EML4: variants seen among roughly 807,000 people sequenced by gnomAD.
EML4 encodes the protein echinoderm microtubule-associated protein-like 4.
EML4 carries 72 observed loss-of-function variants against 129.0 expected under a neutral mutation model. That is an observed-to-expected ratio of 0.56 (90% CI 0.46 to 0.68). The LOEUF is 0.68. EML4 is among the 30% of genes least tolerant of loss of function. The pLI is 0.00. For missense variants in EML4, 1,363 were observed against 1,190.6 expected (o/e 1.14, Z -2.13); for synonymous variants, 532 against 405.0 (o/e 1.31, Z -3.77).
At chr2:42,317,333 A>G in intron 18 of EML4, 94 bp from the exon 19 acceptor site, 2 of 806,326 alleles carry the variant, frequency 2.5e-6, no homozygotes, top group South Asian at 1.7e-5. Context: ...AGTTAAATTG[A>G]TGAGATTTAA....
At chr2:42,191,881 C>T (rs1671605135) in intron 1 of EML4, among the ~76,000 whole-genome samples, 1 of 152,104 alleles carries the variant, frequency 6.6e-6, no homozygotes, top group South Asian at 2.1e-4. Context: ...CGGTGGCTCA[C>T]ACCTGTAATC....
At chr2:42,266,870 A>T (rs764901442) in intron 6 of EML4, among the ~76,000 whole-genome samples, 3 of 152,190 alleles carry the variant, frequency 2.0e-5, no homozygotes, top group East Asian at 1.9e-4. Flanking sequence ...ATGAAATATA[A>T]ATTGAAATAT....
chr2:42,233,540 CT>C (rs1223719729), intron 1 of EML4, among the ~76,000 whole-genome samples: 1 of 151,928 alleles, frequency 6.6e-6, no homozygotes, highest in African/African-American at 2.4e-5. Context: ...ATCTCCTGAC[CT>C]CATGATCCGC....
Position 42,330,286 on chromosome 2 carries a change from G to C in EML4, c.*79G>C, listed in dbSNP as rs751198830. Reference sequence around the variant, plus strand: ...AAGTTCAGGTAACAGGATGGGCAGTGATGGAGAATCACTGTTGATTGAGAT... The same window carrying C: ...AAGTTCAGGTAACAGGATGGGCAGTCATGGAGAATCACTGTTGATTGAGAT... On this transcript the variant is annotated 3_prime_UTR_variant, in exon 23 of 23. Coordinates refer to ENST00000318522, the MANE Select transcript of EML4 (RefSeq NM_019063.5). 22 of 1,277,496 alleles carry C rather than the reference G, an allele frequency of 1.7e-5. No individual in the cohort carries two copies. The highest frequency in any genetic ancestry group is 1.4e-5 in the Non-Finnish European group (12 of 886,544). The allele number at this position is 1,277,496 out of a possible 1,614,324, so 79.1% of individuals were successfully genotyped here.
intron 1 of EML4, among the ~76,000 whole-genome samples, chr2:42,202,855 C>A (rs758649120): frequency 6.6e-6 from 1 of 152,062 alleles, no homozygotes; most frequent in Non-Finnish European, 1.5e-5. Context: ...TAGCAAGACC[C>A]CATCTCTACA....
chr2:42,240,082 G>A (rs371782522), intron 1 of EML4, among the ~76,000 whole-genome samples: 1 of 152,150 alleles, frequency 6.6e-6, no homozygotes, highest in South Asian at 2.1e-4. Flanking sequence ...GAGAGGGGTT[G>A]TTGGACTTCA....
At position 42,317,456 on chromosome 2, in the gene EML4, GACA is replaced by G; in HGVS notation, c.2089_2091del (p.Asn697del). On this transcript the variant is annotated inframe_deletion, in exon 19 of 23. Coordinates refer to ENST00000318522, the MANE Select transcript of EML4 (RefSeq NM_019063.5). ...TACCTTCCTGGCTGTAGGATCTCAT[GACA>G]ACTTTATTTACCTCTATGTAGTCTC... The G allele has an allele frequency of 6.2e-7, 1 of 1,612,590 alleles. No homozygotes were observed. Among genetic ancestry groups the G allele is most frequent in the Non-Finnish European group, 8.5e-7 (1 of 1,179,146 alleles).
At position 42,326,268 on chromosome 2, in the gene EML4, CT is replaced by C; in HGVS notation, c.2341+17del. Reference sequence around the variant, plus strand: ...CAAGTATTTGGTAAGGAAATGACACCTGATGTAAAGAAGTGGTTTGTGGGTT... The same window carrying C: ...CAAGTATTTGGTAAGGAAATGACACCGATGTAAAGAAGTGGTTTGTGGGTT... On this transcript the variant is annotated intron_variant, in intron 21 of 22. Coordinates refer to ENST00000318522, the MANE Select transcript of EML4 (RefSeq NM_019063.5). The C allele has an allele frequency of 6.4e-7, 1 of 1,564,786 alleles. No homozygotes were observed. The highest frequency in any genetic ancestry group is 8.8e-7 in the Non-Finnish European group (1 of 1,141,418).
At chr2:42,284,017 T>TA (rs1227353853) in intron 8 of EML4, among the ~76,000 whole-genome samples, 2 of 152,248 alleles carry the variant, frequency 1.3e-5, no homozygotes, top group African/African-American at 4.8e-5. Context: ...TAGTCACTCA[T>TA]ATACGTGCTG....
At chr2:42,180,794 T>G (rs1026472120) in intron 1 of EML4, among the ~76,000 whole-genome samples, 3 of 152,244 alleles carry the variant, frequency 2.0e-5, no homozygotes, top group Non-Finnish European at 4.4e-5. Context: ...CAATAATGTC[T>G]TTTATAGCAA....
At chr2:42,244,949 C>T (rs1384749579) in intron 1 of EML4, among the ~76,000 whole-genome samples, 2 of 151,796 alleles carry the variant, frequency 1.3e-5, no homozygotes, top group African/African-American at 4.8e-5. Flanking sequence ...GGAAATTTGA[C>T]CGTGGGGACA....
At chr2:42,210,837 A>G (rs966537755) in intron 1 of EML4, among the ~76,000 whole-genome samples, 2 of 152,218 alleles carry the variant, frequency 1.3e-5, no homozygotes, top group East Asian at 1.9e-4. Flanking sequence ...TTCTGGCACT[A>G]TAGAATAATT....
At chr2:42,178,802 C>G (rs943879528) in intron 1 of EML4, among the ~76,000 whole-genome samples, 28 of 152,262 alleles carry the variant, frequency 1.8e-4, no homozygotes, top group African/African-American at 6.5e-4. Context: ...TGCACTATAG[C>G]GCTTCTAAAG....
At chr2:42,301,532 T>C in intron 14 of EML4, 140 bp downstream of exon 14, 1 of 629,176 alleles carries the variant, frequency 1.6e-6, no homozygotes, top group Non-Finnish European at 2.5e-6. Context: ...AAGGAGTTTG[T>C]TGTTGCCTTT....
chr2:42,254,858 C>A (rs1676022305), intron 2 of EML4, among the ~76,000 whole-genome samples: 1 of 151,842 alleles, frequency 6.6e-6, no homozygotes, highest in South Asian at 2.1e-4. Flanking sequence ...CAGCACTATT[C>A]CCATTAGCCA....
intron 1 of EML4, among the ~76,000 whole-genome samples, chr2:42,216,533 G>A (rs138729916): frequency 2.6e-5 from 4 of 151,812 alleles, no homozygotes; most frequent in African/African-American, 9.7e-5. Context: ...GAGCCACCAG[G>A]CCCGGCCCAT....
intron 17 of EML4, among the ~76,000 whole-genome samples, chr2:42,312,075 T>C (rs1179010115): frequency 6.6e-6 from 1 of 152,082 alleles, no homozygotes; most frequent in Non-Finnish European, 1.5e-5. Flanking sequence ...AAAGTGCCAG[T>C]TTTCCTGCTT....
At chr2:42,173,871 A>T (rs1380297642) in intron 1 of EML4, among the ~76,000 whole-genome samples, 1 of 152,128 alleles carries the variant, frequency 6.6e-6, no homozygotes, top group African/African-American at 2.4e-5. Context: ...TAAAGTATGT[A>T]CTGTATGTAG....
At chr2:42,262,237 C>T (rs536836968) in intron 4 of EML4, among the ~76,000 whole-genome samples, 2 of 152,270 alleles carry the variant, frequency 1.3e-5, no homozygotes, top group East Asian at 1.9e-4. Flanking sequence ...CCAAAATACC[C>T]TTCACTTGAT....
Sources: allele counts gnomAD v4.1 joint callset (sites outside exome capture counted in the v4.1 genomes callset), GRCh38; gene constraint gnomAD v4.1.1; transcripts MANE v1.5; gene names NCBI Gene and HGNC (gene_info 2026-07-23, HGNC 2026-07-21).